The following LUC7L2 variants were observed in gnomAD, a reference collection of about 807,000 sequenced individuals.
LUC7L2 encodes the protein putative RNA-binding protein Luc7-like 2.
LUC7L2 carries 25 observed loss-of-function variants against 52.8 expected under a neutral mutation model. That is an observed-to-expected ratio of 0.47 (90% CI 0.34 to 0.66). LUC7L2 has a LOEUF of 0.66. Among genes scored for constraint, LUC7L2 ranks in the 30% least tolerant of loss-of-function variants. LUC7L2 has a pLI of 0.01. For missense variants in LUC7L2, 328 were observed against 497.8 expected (o/e 0.66, Z 3.25); for synonymous variants, 144 against 160.9 (o/e 0.89, Z 0.80).
At chr7:139,345,724 A>G (rs766344502) in intron 1 of LUC7L2, 2 of 1,609,348 alleles carry the variant, frequency 1.2e-6, no homozygotes, top group East Asian at 4.5e-5. Context: ...ATATCCTTGG[A>G]TGCTGCATTC....
intron 8 of LUC7L2, among the ~76,000 whole-genome samples, chr7:139,413,562 G>T (rs1297093019): frequency 6.6e-6 from 1 of 152,218 alleles, no homozygotes; most frequent in African/African-American, 2.4e-5. Flanking sequence ...CAGATCACCT[G>T]AAGTCAGGAG....
intron 8 of LUC7L2, among the ~76,000 whole-genome samples, chr7:139,413,378 C>G (rs943058834): frequency 3.3e-5 from 5 of 152,140 alleles, no homozygotes; most frequent in Non-Finnish European, 7.4e-5. Flanking sequence ...TCTACCATTC[C>G]TCTTGTTCAG....
chr7:139,396,490 AGTCC>A (rs1318398752), intron 2 of LUC7L2, among the ~76,000 whole-genome samples: 24 of 152,300 alleles, frequency 1.6e-4, no homozygotes, highest in African/African-American at 5.5e-4. Flanking sequence ...GACTCATTGG[AGTCC>A]CTTCGGGCCA....
intron 2 of LUC7L2, among the ~76,000 whole-genome samples, chr7:139,398,229 C>T (rs966381245): frequency 6.6e-6 from 1 of 152,180 alleles, no homozygotes; most frequent in South Asian, 2.1e-4. Flanking sequence ...ATTGACATCT[C>T]AACAATTTGA....
Position 139,422,449 on chromosome 7 carries a change from G to C in LUC7L2, c.*109G>C. 2.0e-6 allele frequency: 3 copies of C among 1,478,780 alleles called. No homozygotes were observed. Among genetic ancestry groups the C allele is most frequent in the South Asian group, 1.5e-5 (1 of 67,702 alleles). The allele number at this position is 1,478,780 out of a possible 1,614,324, so 91.6% of individuals were successfully genotyped here. On this transcript the variant is annotated 3_prime_UTR_variant, in exon 10 of 10. Coordinates refer to ENST00000354926, the MANE Select transcript of LUC7L2 (RefSeq NM_016019.5). ...TGAGCAGATCCAGACACCAGATCCA[G>C]CTAGGCTAGATGTACAGTATCTAAC... is the stretch of plus-strand genomic sequence containing the variant.
chr7:139,378,304 A>G (rs1473777190), intron 2 of LUC7L2, among the ~76,000 whole-genome samples: 1 of 152,062 alleles, frequency 6.6e-6, no homozygotes, highest in Non-Finnish European at 1.5e-5. Flanking sequence ...TTTAATGGCT[A>G]AATTACTACT....
rs1025107868 is a variant in LUC7L2 at position 139,367,855 on chromosome 7, T to A, written c.61+7533T>A. On this transcript the variant is annotated intron_variant, in intron 1 of 9. Coordinates refer to ENST00000354926, the MANE Select transcript of LUC7L2 (RefSeq NM_016019.5). ...ACGGGGGTCAGTGTTTCTGCAGGAT[T>A]TCACCAACTGGTTCCACAGTGGGAA... 2.0e-5 allele frequency among the ~76,000 whole-genome samples: 3 copies of A among 152,268 alleles called. No individual in the cohort carries two copies. The South Asian group carries it at 6.2e-4, about 32-fold the overall frequency.
chr7:139,407,000 G>GTTTTTTTTTTT lies in LUC7L2; in HGVS notation c.511-174_511-173insTTTTTTTTTTT, dbSNP rs779013466. On this transcript the variant is annotated intron_variant, in intron 5 of 9. Transcript: ENST00000354926. ...CATAACAAAATAGCCATGCTTTTGT[G>GTTTTTTTTTTT]GTTTTTTTTTTTTTTTTTTTTTGAG... Among the ~76,000 whole-genome samples the GTTTTTTTTTTT allele has an allele frequency of 6.9e-4, 77 of 111,590 alleles. 3 individuals are homozygous for GTTTTTTTTTTT. Among genetic ancestry groups the GTTTTTTTTTTT allele is most frequent in the African/African-American group, 1.5e-3 (39 of 26,622 alleles). The allele number at this position is 111,590 out of a possible 152,430, so 73.2% of individuals were successfully genotyped here. A position where few individuals can be genotyped will look rare whatever the true frequency, so the allele number is the denominator to read the frequency against.
At position 139,409,568 on chromosome 7, in the gene LUC7L2, C is replaced by T. The variant is rs945733475; in HGVS notation, c.693C>T (p.Val231=). The T allele has an allele frequency of 1.7e-5, 28 of 1,607,276 alleles. No individual in the cohort carries two copies. Among genetic ancestry groups the T allele is most frequent in the East Asian group, 1.6e-4 (7 of 44,516 alleles). ...CATTTATTACTGTTTTTAAGAGAGT[C>T]GTAGCTGAGAAGCAGGAGAAAAGAA... ...IREKLEELKR[V]VAEKQEKRNQ... The change falls in exon 7 of 10, where the codon GTC becomes GTT. Residue 231 remains valine, a synonymous_variant. Coordinates refer to ENST00000354926, the MANE Select transcript of LUC7L2 (RefSeq NM_016019.5).
At chr7:139,387,114 A>G (rs1367668617) in intron 2 of LUC7L2, among the ~76,000 whole-genome samples, 3 of 151,906 alleles carry the variant, frequency 2.0e-5, no homozygotes, top group East Asian at 3.9e-4. Flanking sequence ...TGCTGGGATT[A>G]CAGGCATGAG....
chr7:139,419,564 G>A (rs1051688606), intron 9 of LUC7L2, among the ~76,000 whole-genome samples: 10 of 152,166 alleles, frequency 6.6e-5, no homozygotes, highest in Non-Finnish European at 1.2e-4. Flanking sequence ...GTGATGGAAG[G>A]TTTAGACATT....
At chr7:139,357,040 G>C (rs563338714), upstream of LUC7L2, among the ~76,000 whole-genome samples, 1 of 152,136 alleles carries the variant, frequency 6.6e-6, no homozygotes, top group East Asian at 1.9e-4. Flanking sequence ...TAGGTTCCTT[G>C]TATTACCTCT....
At chr7:139,413,576 G>A (rs751090094) in intron 8 of LUC7L2, among the ~76,000 whole-genome samples, 2 of 152,128 alleles carry the variant, frequency 1.3e-5, no homozygotes, top group African/African-American at 4.8e-5. Flanking sequence ...TCAGGAGTTC[G>A]AGACCAGCCT....
Position 139,395,731 on chromosome 7 carries a change from C to A in LUC7L2, c.157-2868C>A, listed in dbSNP as rs551873185. On this transcript the variant is annotated intron_variant, in intron 2 of 9. Transcript: ENST00000354926. ...TCACAGCTTACTGCAGCTTTGACCTCCAGAGCTCAAGTGATCCCCCTGCCT... is the reference window on the plus strand; with the variant it reads ...TCACAGCTTACTGCAGCTTTGACCTACAGAGCTCAAGTGATCCCCCTGCCT... Among the ~76,000 whole-genome samples, 3 of 152,328 alleles carry A rather than the reference C, an allele frequency of 2.0e-5. No individual in the cohort carries two copies. In the South Asian group the frequency reaches 6.2e-4, roughly 32 times the overall value.
intron 8 of LUC7L2, among the ~76,000 whole-genome samples, chr7:139,415,083 T>C (rs1367083913): frequency 2.0e-5 from 3 of 147,316 alleles, no homozygotes. Flanking sequence ...TTTTTTTTTT[T>C]GTATTTTTAG....
intron 5 of LUC7L2, among the ~76,000 whole-genome samples, chr7:139,406,030 A>ATCCACC (rs1209489697): frequency 4.7e-4 from 71 of 152,240 alleles, no homozygotes; most frequent in African/African-American, 1.6e-3. Context: ...GGATCGCTTG[A>ATCCACC]GTCCAGTTCA....
At chr7:139,371,480 A>G (rs1376453325) in intron 1 of LUC7L2, 5 of 1,355,356 alleles carry the variant, frequency 3.7e-6, no homozygotes, top group Non-Finnish European at 4.9e-6. Context: ...TAAAATTTTG[A>G]TGTTTTTAAA....
rs1450218414 is a variant in LUC7L2 at position 139,422,842 on chromosome 7, G to A, written c.*502G>A. ...CGTTATGAATTACTAGCTGATTACAGTTCAGAGCATTGATCCTGGAATGTG... is the reference window on the plus strand; with the variant it reads ...CGTTATGAATTACTAGCTGATTACAATTCAGAGCATTGATCCTGGAATGTG... On this transcript the variant is annotated 3_prime_UTR_variant, in exon 10 of 10. Transcript: ENST00000354926. 1.3e-5 allele frequency: 5 copies of A among 399,024 alleles called. No homozygotes were observed. Among genetic ancestry groups the A allele is most frequent in the East Asian group, 7.1e-5 (2 of 28,068 alleles). The allele number at this position is 399,024 out of a possible 1,614,324, so 24.7% of individuals were successfully genotyped here. A position where few individuals can be genotyped will look rare whatever the true frequency, so the allele number is the denominator to read the frequency against.
rs1799783888 is a variant in LUC7L2, at chr7:139,360,090, G to T, written c.-172G>T. 61 of 565,582 alleles carry T rather than the reference G, an allele frequency of 1.1e-4. No homozygotes were observed. The South Asian group carries it at 1.3e-3, about 12-fold the overall frequency. 35.0% of individuals were successfully genotyped at this position (565,582 alleles called of 1,614,324 possible). A position where few individuals can be genotyped will look rare whatever the true frequency, so the allele number is the denominator to read the frequency against. ...TTCCACGTACACGTCGTCGTGAGGA[G>T]CGCAGTCCGGACTCTTCCCGCAACC... On this transcript the variant is annotated 5_prime_UTR_variant, in exon 1 of 10. Transcript: ENST00000354926.
Sources: allele counts gnomAD v4.1 joint callset (sites outside exome capture counted in the v4.1 genomes callset), GRCh38; gene constraint gnomAD v4.1.1; transcripts MANE v1.5; gene names NCBI Gene and HGNC (gene_info 2026-07-23, HGNC 2026-07-21).